FLI1: variants seen among roughly 807,000 people sequenced by gnomAD.
FLI1 encodes Friend leukemia integration 1 transcription factor.
Under a neutral mutation model 53.1 loss-of-function variants are expected in FLI1, and 13 were observed. The ratio of observed to expected loss-of-function variants is 0.24; its 90% CI spans 0.16 to 0.39. The LOEUF (loss-of-function observed/expected upper bound fraction) is 0.39, where lower values mean the gene tolerates loss of function less well. Among genes scored for constraint, FLI1 ranks in the 10% least tolerant of loss-of-function variants. The pLI is 1.00. For synonymous variants in FLI1, 244 were observed against 236.7 expected, an observed-to-expected ratio of 1.03 and a Z score of -0.28; for missense variants, 424 against 600.5, an observed-to-expected ratio of 0.71 and a Z score of 3.07.
chr11:128,690,528 G>C (rs2135677213), upstream of FLI1, among the ~76,000 whole-genome samples: 1 of 152,288 alleles, frequency 6.6e-6, no homozygotes, highest in East Asian at 1.9e-4. Context: ...GGCTGACATT[G>C]AGCGAGCCAA....
At position 128,694,240 on chromosome 11, in the gene FLI1, C is replaced by A; in HGVS notation, c.-19C>A. ...TCAATGTGTGGAATATTGGGGGGCT[C>A]GGCTGCAGACTTGGCCAAATGGACG... On this transcript the variant is annotated 5_prime_UTR_variant, in exon 1 of 9. It introduces an in-frame stop codon into an upstream open reading frame of the 5' UTR. Transcript: ENST00000527786. The A allele has an allele frequency of 6.7e-7, 1 of 1,493,224 alleles. No homozygotes were observed. The highest frequency in any genetic ancestry group is 8.9e-7 in the Non-Finnish European group (1 of 1,119,200). 92.5% of individuals were successfully genotyped at this position (1,493,224 alleles called of 1,614,324 possible). A position where few individuals can be genotyped will look rare whatever the true frequency, so the allele number is the denominator to read the frequency against.
upstream of FLI1, chr11:128,693,979 A>AGAGAGG: frequency 3.2e-6 from 1 of 317,264 alleles, no homozygotes; most frequent in Non-Finnish European, 5.8e-6. Flanking sequence ...AGAGAGAGAG[A>AGAGAGG]GAGAGAGAGA....
chr11:128,773,007 A>G, intron 4 of FLI1, 22 bp downstream of exon 4: 1 of 1,606,822 alleles, frequency 6.2e-7, no homozygotes, highest in South Asian at 1.1e-5. Flanking sequence ...CCAAGTACCC[A>G]GGGCTGGGAG....
intron 1 of FLI1, among the ~76,000 whole-genome samples, chr11:128,751,876 T>A (rs1434184213): frequency 6.6e-6 from 1 of 150,536 alleles, no homozygotes; most frequent in Non-Finnish European, 1.5e-5. Flanking sequence ...TTACCTAGGC[T>A]GGTCTTGAAT....
intron 1 of FLI1, among the ~76,000 whole-genome samples, chr11:128,726,976 G>A (rs1445897072): frequency 6.6e-6 from 1 of 152,140 alleles, no homozygotes; most frequent in East Asian, 1.9e-4. Flanking sequence ...AGGGTGCTGT[G>A]TCTTTGGGAA....
At chr11:128,704,248 T>A (rs1591736029) in intron 1 of FLI1, among the ~76,000 whole-genome samples, 1 of 152,138 alleles carries the variant, frequency 6.6e-6, no homozygotes, top group East Asian at 1.9e-4. Context: ...CCTGTGTGGC[T>A]CTTCTCCCAT....
At chr11:128,779,242 C>G (rs151329225) in intron 4 of FLI1, among the ~76,000 whole-genome samples, 342 of 152,338 alleles carry the variant, frequency 2.2e-3, no homozygotes, top group African/African-American at 7.7e-3. Context: ...ATGACTCAGG[C>G]AGTTTGCTCC....
chr11:128,730,472 T>A (rs1939651427), intron 1 of FLI1, among the ~76,000 whole-genome samples: 1 of 152,232 alleles, frequency 6.6e-6, no homozygotes, highest in African/African-American at 2.4e-5. Flanking sequence ...ACATGCATTC[T>A]ATTCTAGAAT....
chr11:128,777,296 T>C (rs1941764240), intron 4 of FLI1, among the ~76,000 whole-genome samples: 1 of 151,470 alleles, frequency 6.6e-6, no homozygotes, highest in Non-Finnish European at 1.5e-5. Context: ...CTTTTTTAAG[T>C]TTTACAAACA....
At chr11:128,738,382 C>T (rs371545810) in intron 1 of FLI1, among the ~76,000 whole-genome samples, 120 of 152,334 alleles carry the variant, frequency 7.9e-4, no homozygotes, top group African/African-American at 2.6e-3. Context: ...TCACCTTTCT[C>T]TCATTACTCA....
At chr11:128,809,060 G>T in intron 7 of FLI1, 97 bp from the exon 8 acceptor site, 1 of 926,626 alleles carries the variant, frequency 1.1e-6, no homozygotes. Flanking sequence ...CTGTGATCTT[G>T]AAATAAAAGT....
At chr11:128,787,261 C>A (rs1164090728) in intron 5 of FLI1, among the ~76,000 whole-genome samples, 1 of 152,126 alleles carries the variant, frequency 6.6e-6, no homozygotes, top group Non-Finnish European at 1.5e-5. Flanking sequence ...CCCTCTGGTG[C>A]CATCACCATG....
intron 1 of FLI1, among the ~76,000 whole-genome samples, chr11:128,711,430 G>A (rs1376887161): frequency 6.6e-6 from 1 of 152,200 alleles, no homozygotes; most frequent in Non-Finnish European, 1.5e-5. Flanking sequence ...GCCTGGGGCT[G>A]GAGCTAAGTT....
Position 128,698,711 on chromosome 11 carries a change from C to T in FLI1, c.18+4435C>T, listed in dbSNP as rs200054058. Among the ~76,000 whole-genome samples, 455 of 144,524 alleles carry T rather than the reference C, an allele frequency of 3.1e-3. 1 individual carries two copies. The highest frequency in any genetic ancestry group is 0.011 in the African/African-American group (433 of 38,642). 94.8% of individuals were successfully genotyped at this position (144,524 alleles called of 152,430 possible). On this transcript the variant is annotated intron_variant, in intron 1 of 8. Transcript: ENST00000527786. ...TGGAGGCAGTGTGTGTATGTGTTTG[C>T]GTGTGTGTGTGTGTGTGTGTGTGAG...
At chr11:128,686,491 C>T (rs1243732695), upstream of FLI1, 1 of 456,452 alleles carries the variant, frequency 2.2e-6, no homozygotes, top group African/African-American at 2.0e-5. Flanking sequence ...ACCACTCGGA[C>T]CCTCCCTCGC....
intron 1 of FLI1, among the ~76,000 whole-genome samples, chr11:128,747,135 G>A (rs1302955391): frequency 2.0e-5 from 3 of 152,220 alleles, no homozygotes; most frequent in African/African-American, 7.2e-5. Flanking sequence ...ATGACAATCT[G>A]TAAGGCGCGG....
chr11:128,809,555 G>A (rs619255), intron 8 of FLI1, among the ~76,000 whole-genome samples: 36,208 of 152,176 alleles, frequency 0.24, 5,110 homozygotes, highest in Non-Finnish European at 0.32. Flanking sequence ...GTTGTCTCCC[G>A]CATGCCAGGC....
upstream of FLI1, chr11:128,693,797 C>T (rs550203322): frequency 4.4e-6 from 1 of 228,550 alleles, no homozygotes; most frequent in South Asian, 1.8e-4. Flanking sequence ...GTGCGCAGCG[C>T]ATGAATGTGT....
intron 1 of FLI1, among the ~76,000 whole-genome samples, chr11:128,727,914 G>A (rs371911344): frequency 2.6e-4 from 39 of 152,320 alleles, no homozygotes; most frequent in East Asian, 1.9e-3. Context: ...GAGTTAAAGC[G>A]GGGAGAAGAG....
Sources: gnomAD v4.1 joint callset for allele counts (sites outside exome capture counted in the v4.1 genomes callset) on GRCh38, gnomAD v4.1.1 for gene constraint, MANE v1.5 for transcripts, NCBI Gene and HGNC (gene_info 2026-07-23, HGNC 2026-07-21) for gene names.